The following CLSPN variants were observed in gnomAD, a reference collection of about 807,000 sequenced individuals.
The protein encoded by CLSPN is claspin, also known as claspin homolog.
CLSPN carries 85 observed loss-of-function variants against 156.3 expected under a neutral mutation model. The observed-to-expected ratio is 0.54, with a 90% confidence interval of 0.46 to 0.65. CLSPN has a LOEUF of 0.65. Ranked by LOEUF, CLSPN falls within the 30% of genes least tolerant of loss-of-function variation. The pLI is 0.00. For synonymous variants in CLSPN, 534 were observed against 542.4 expected, an observed-to-expected ratio of 0.98 and a Z score of 0.22; for missense variants, 1,407 against 1,554.9, an observed-to-expected ratio of 0.90 and a Z score of 1.60.
intron 13 of CLSPN, 94 bp downstream of exon 13, chr1:35,748,311 C>G: frequency 8.3e-7 from 1 of 1,209,306 alleles, no homozygotes. Context: ...AGCTCAGTAC[C>G]AACGTGGTGG....
At chr1:35,736,678 A>G in intron 24 of CLSPN, 72 bp from the exon 25 acceptor site, 1 of 1,524,680 alleles carries the variant, frequency 6.6e-7, no homozygotes, top group African/African-American at 1.4e-5. Flanking sequence ...TTAGCTCTCA[A>G]GCAACTCATA....
intron 2 of CLSPN, 102 bp from the exon 3 acceptor site, chr1:35,764,816 G>T: frequency 1.5e-6 from 1 of 687,550 alleles, no homozygotes; most frequent in Non-Finnish European, 2.3e-6. Context: ...ATATAACATT[G>T]TGAAATTACG....
intron 22 of CLSPN, 35 bp downstream of exon 22, chr1:35,737,957 A>AG: frequency 3.3e-6 from 4 of 1,201,364 alleles, no homozygotes; most frequent in Non-Finnish European, 4.6e-6. Flanking sequence ...CTAACAATCC[A>AG]GGGGGCTAGA....
chr1:35,748,134 A>G, intron 13 of CLSPN, 73 bp from the exon 14 acceptor site: 1 of 1,528,436 alleles, frequency 6.5e-7, no homozygotes, highest in Non-Finnish European at 8.8e-7. Context: ...CAACCACAAA[A>G]GTTGCTATTT....
Position 35,769,924 on chromosome 1 carries a change from A to C in CLSPN, c.-54T>G. On this transcript the variant is annotated 5_prime_UTR_variant, in exon 1 of 25. Coordinates refer to ENST00000318121, the MANE Select transcript of CLSPN (RefSeq NM_022111.4). ...GGACGGAGCTGTCTCTGATTCCCTC[A>C]GCCGGAGAGCAGCGGCTCCCGCCGT... 6.3e-7 allele frequency: 1 copy of C among 1,596,758 alleles called. No individual in the cohort carries two copies. Among genetic ancestry groups the C allele is most frequent in the Non-Finnish European group, 8.5e-7 (1 of 1,170,594 alleles).
Position 35,752,414 on chromosome 1 carries a change from C to A in CLSPN, c.1772-908G>T, listed in dbSNP as rs554467431. Among the ~76,000 whole-genome samples, 20 of 152,094 alleles carry A rather than the reference C, an allele frequency of 1.3e-4. No homozygotes were observed. The South Asian group carries it at 4.2e-3, about 32-fold the overall frequency. On this transcript the variant is annotated intron_variant, in intron 9 of 24. Coordinates refer to ENST00000318121, the MANE Select transcript of CLSPN (RefSeq NM_022111.4). The stretch of plus-strand genomic sequence containing the variant: ...CCAACATAGCGAAACTTCATCTCTA[C>A]TAAAAATACAAAAATTAGCCAGGCA...
At chr1:35,753,669 A>G (rs1003609804) in intron 9 of CLSPN, 76 bp downstream of exon 9, 36 of 1,352,958 alleles carry the variant, frequency 2.7e-5, no homozygotes, top group Non-Finnish European at 3.7e-5. Context: ...TTTTCATTAT[A>G]AGGTTTTCAA....
In CLSPN at chr1:35,760,669, T is replaced by C; in HGVS notation, c.1252A>G (p.Ile418Val). Residue 418 changes from isoleucine to valine, a missense_variant, in exon 8 of 25, where the codon ATT becomes GTT. Physicochemically the swap from Ile to Val is conservative, Grantham distance 29 (BLOSUM62 3). Coordinates refer to ENST00000318121, the MANE Select transcript of CLSPN (RefSeq NM_022111.4). ...EIQEKQKQSD[I>V]RPSPGDSSVL... ...GAGCTGTCCCCAGGTGAAGGTCTAA[T>C]GTCACTCTGCTTCTGTTTCTCCTGA... is the stretch of plus-strand genomic sequence containing the variant. 1 of 1,614,220 alleles carries C rather than the reference T, an allele frequency of 6.2e-7. No individual in the cohort carries two copies. The highest frequency in any genetic ancestry group is 8.5e-7 in the Non-Finnish European group (1 of 1,180,040).
intron 23 of CLSPN, 116 bp from the exon 24 acceptor site, chr1:35,737,191 A>G (rs1641504939): frequency 8.0e-7 from 1 of 1,251,158 alleles, no homozygotes; most frequent in South Asian, 1.3e-5. Flanking sequence ...CCCTATTCAA[A>G]TAGAAAAGAA....
In CLSPN at chr1:35,733,532, T is replaced by C. The variant is rs1288338038; in HGVS notation, c.*2964A>G. ...GTAGGGAAACAAGAGGGAAGAAATA[T>C]CTAGCCTTCCTGCTCAGTTCTCTTT... On this transcript the variant is annotated 3_prime_UTR_variant, in exon 25 of 25. Transcript: ENST00000318121. 3 of 985,248 alleles carry C rather than the reference T, an allele frequency of 3.0e-6. No individual in the cohort carries two copies. Among genetic ancestry groups the C allele is most frequent in the Non-Finnish European group, 3.6e-6 (3 of 829,910 alleles). The allele number at this position is 985,248 out of a possible 1,614,324, so 61.0% of individuals were successfully genotyped here. A position where few individuals can be genotyped will look rare whatever the true frequency, so the allele number is the denominator to read the frequency against.
In CLSPN at chr1:35,734,091, A is replaced by G. The variant is rs1285049054; in HGVS notation, c.*2405T>C. ...ACCACTTGGTAAGTTAACTTGATCA[A>G]TTCACTAGGACTGAGAAGCCAGTGA... On this transcript the variant is annotated 3_prime_UTR_variant, in exon 25 of 25. Transcript: ENST00000318121. 4.1e-6 allele frequency: 4 copies of G among 985,320 alleles called. No homozygotes were observed. Among genetic ancestry groups the G allele is most frequent in the Non-Finnish European group, 4.8e-6 (4 of 829,924 alleles). 61.0% of individuals were successfully genotyped at this position (985,320 alleles called of 1,614,324 possible). A position where few individuals can be genotyped will look rare whatever the true frequency, so the allele number is the denominator to read the frequency against.
At chr1:35,760,273 C>A in intron 8 of CLSPN, 69 bp downstream of exon 8, 2 of 1,245,904 alleles carry the variant, frequency 1.6e-6, no homozygotes, top group Non-Finnish European at 2.3e-6. Context: ...CTGTCCTCGA[C>A]AGTAGTCAAT....
rs1641389851 is a variant in CLSPN, at chr1:35,734,285, A to G, written c.*2211T>C. The G allele has an allele frequency of 2.0e-6, 2 of 985,328 alleles. No homozygotes were observed. Among genetic ancestry groups the G allele is most frequent in the East Asian group, 2.3e-4 (2 of 8,812 alleles). 61.0% of individuals were successfully genotyped at this position (985,328 alleles called of 1,614,324 possible). On this transcript the variant is annotated 3_prime_UTR_variant, in exon 25 of 25. Coordinates refer to ENST00000318121, the MANE Select transcript of CLSPN (RefSeq NM_022111.4). ...AGGCATTAAGATTTATTGAAAAACT[A>G]CATACATATTAAAACATCTTTATAC...
chr1:35,743,311 A>C, intron 17 of CLSPN, 70 bp from the exon 18 acceptor site: 1 of 1,400,950 alleles, frequency 7.1e-7, no homozygotes, highest in Middle Eastern at 1.8e-4. Context: ...GGATTTATAA[A>C]CATCTGCCCA....
At chr1:35,724,996 G>A (rs1042064276) in intron 24 of CLSPN, among the ~76,000 whole-genome samples, 3 of 152,200 alleles carry the variant, frequency 2.0e-5, no homozygotes, top group East Asian at 3.9e-4. Context: ...ATGACAAGGC[G>A]GTACATTCAA....
Position 35,720,981 on chromosome 1 carries a change from C to G in CLSPN, c.3910-1G>C, listed in dbSNP as rs754542829. On this transcript the variant is annotated splice_acceptor_variant, in intron 24 of 24. Coordinates refer to the CLSPN transcript ENST00000251195. LOFTEE classifies it high-confidence loss of function. ...AGTCAGAGTCCTTCTCTGGGATCTT[C>G]TGAAACGAAATTAAAGGAAGACGAG... 1.6e-5 allele frequency: 25 copies of G among 1,605,298 alleles called. 1 individual carries two copies. The highest frequency in any genetic ancestry group is 1.1e-4 in the South Asian group (10 of 90,122).
In CLSPN at chr1:35,737,164, G is replaced by C. The variant is rs1227739927; in HGVS notation, c.3748-89C>G. ...CCCTCCCTGCTTCCCCCTAGATATT[G>C]AGGGTACATATGCCTACCCTATTCA... On this transcript the variant is annotated intron_variant, in intron 23 of 24. Transcript: ENST00000318121. 3.6e-6 allele frequency: 5 copies of C among 1,385,016 alleles called. No individual in the cohort carries two copies. The South Asian group carries it at 4.9e-5, about 13-fold the overall frequency. 85.8% of individuals were successfully genotyped at this position (1,385,016 alleles called of 1,614,324 possible).
chr1:35,725,985 GC>G (rs1407917349), intron 24 of CLSPN, among the ~76,000 whole-genome samples: 5 of 151,740 alleles, frequency 3.3e-5, no homozygotes, highest in African/African-American at 1.2e-4. Context: ...CCTCAAGCTT[GC>G]CCTTCCTCTT....
chr1:35,743,284 C>A, intron 17 of CLSPN, 43 bp from the exon 18 acceptor site: 1 of 1,487,390 alleles, frequency 6.7e-7, no homozygotes, highest in Non-Finnish European at 9.3e-7. Flanking sequence ...GAATAAAATG[C>A]GTCCTCAATG....
Sources: gnomAD v4.1 joint callset for allele counts (sites outside exome capture counted in the v4.1 genomes callset) on GRCh38, gnomAD v4.1.1 for gene constraint, MANE v1.5 for transcripts, NCBI Gene and HGNC (gene_info 2026-07-23, HGNC 2026-07-21) for gene names.